The following AGAP1 variants were observed in gnomAD, a reference collection of about 807,000 sequenced individuals.
AGAP1 encodes arf-GAP with GTPase, ANK repeat and PH domain-containing protein 1.
Under a neutral mutation model 105.3 loss-of-function variants are expected in AGAP1, and 29 were observed. The ratio of observed to expected loss-of-function variants is 0.28; its 90% CI spans 0.21 to 0.38. The LOEUF (loss-of-function observed/expected upper bound fraction) is 0.38, where lower values mean the gene tolerates loss of function less well. Among genes scored for constraint, AGAP1 ranks in the 10% least tolerant of loss-of-function variants. The pLI is 1.00. For synonymous variants in AGAP1, 509 were observed against 485.9 expected, an observed-to-expected ratio of 1.05 and a Z score of -0.63; for missense variants, 998 against 1,165.1, an observed-to-expected ratio of 0.86 and a Z score of 2.09.
At chr2:236,094,152 A>C (rs2059130878) in intron 16 of AGAP1, among the ~76,000 whole-genome samples, 1 of 152,242 alleles carries the variant, frequency 6.6e-6, no homozygotes, top group Middle Eastern at 3.4e-3. Flanking sequence ...TCTTTTGACA[A>C]GACTGATCAA....
At chr2:235,913,166 A>G (rs1172567360) in intron 11 of AGAP1, among the ~76,000 whole-genome samples, 1 of 152,150 alleles carries the variant, frequency 6.6e-6, no homozygotes, top group Non-Finnish European at 1.5e-5. Flanking sequence ...CTATTTAGAA[A>G]ACCTTTCATA....
At position 235,578,784 on chromosome 2, in the gene AGAP1, CAAA is replaced by C. The variant is rs1216227916; in HGVS notation, c.163+83949_163+83951del. Among the ~76,000 whole-genome samples the C allele has an allele frequency of 8.5e-6, 1 of 117,806 alleles. No homozygotes were observed. 77.3% of individuals were successfully genotyped at this position (117,806 alleles called of 152,430 possible). A position where few individuals can be genotyped will look rare whatever the true frequency, so the allele number is the denominator to read the frequency against. ...TGGGCAATACAGCGAGACTCAGTCT[CAAA>C]AAAAAAAAAAAAATTTTTTTTTTAC... On this transcript the variant is annotated intron_variant, in intron 1 of 17. Coordinates refer to ENST00000304032, the MANE Select transcript of AGAP1 (RefSeq NM_001037131.3). The surrounding 1 kb of genome is among the most constrained non-coding windows in gnomAD (Gnocchi z 4.9).
chr2:235,820,389 A>G (rs951531739), intron 9 of AGAP1, among the ~76,000 whole-genome samples: 2 of 152,248 alleles, frequency 1.3e-5, no homozygotes, highest in African/African-American at 4.8e-5. Context: ...TGCAAAGAAG[A>G]AAGCTTTTGC....
chr2:236,072,026 C>CT (rs981790233), intron 16 of AGAP1, among the ~76,000 whole-genome samples: 3 of 151,804 alleles, frequency 2.0e-5, no homozygotes, highest in Admixed American at 1.3e-4. Context: ...GAGAACTAAA[C>CT]TTTTTTTAAA....
rs2058698104 is a variant in AGAP1, at chr2:236,078,339, C to T, written c.2114+29058C>T. On this transcript the variant is annotated intron_variant, in intron 16 of 17. Coordinates refer to ENST00000304032, the MANE Select transcript of AGAP1 (RefSeq NM_001037131.3). This position sits in a 1 kb window ranked among gnomAD's most constrained non-coding sequence, Gnocchi z 5.3. The stretch of plus-strand genomic sequence containing the variant: ...TGATGGGATGAGGCCCACCTGCTTT[C>T]TCAAGGATAATTGCCTTTGTTTGGA... 6.6e-6 allele frequency among the ~76,000 whole-genome samples: 1 copy of T among 152,142 alleles called. No homozygotes were observed. Among genetic ancestry groups the T allele is most frequent in the African/African-American group, 2.4e-5 (1 of 41,430 alleles).
intron 6 of AGAP1, among the ~76,000 whole-genome samples, chr2:235,794,043 T>C (rs1957125412): frequency 6.6e-6 from 1 of 152,142 alleles, no homozygotes; most frequent in Non-Finnish European, 1.5e-5. Flanking sequence ...GGAGGGCCTA[T>C]TTCTAGACCC....
rs1168675181 is a variant in AGAP1, at chr2:235,612,831, C to CA, written c.164-96347dup. Among the ~76,000 whole-genome samples the CA allele has an allele frequency of 2.6e-5, 4 of 152,094 alleles. No individual in the cohort carries two copies. Among genetic ancestry groups the CA allele is most frequent in the African/African-American group, 9.7e-5 (4 of 41,438 alleles). ...TGTGATCTTGTGGAGGGAATGACCC[C>CA]ACGTCTCTGGATTCTGGCTTCTGCT... On this transcript the variant is annotated intron_variant, in intron 1 of 17. Coordinates refer to ENST00000304032, the MANE Select transcript of AGAP1 (RefSeq NM_001037131.3). The surrounding 1 kb of genome is among the most constrained non-coding windows in gnomAD (Gnocchi z 4.3).
At chr2:236,029,957 T>C (rs2057176252) in intron 13 of AGAP1, among the ~76,000 whole-genome samples, 1 of 152,150 alleles carries the variant, frequency 6.6e-6, no homozygotes, top group South Asian at 2.1e-4. Flanking sequence ...CAGACCAGTC[T>C]TGAACTCCTG....
rs1221954307 is a variant in AGAP1 at position 235,989,390 on chromosome 2, A to G, written c.1645+20767A>G. Among the ~76,000 whole-genome samples, 1 of 152,196 alleles carries G rather than the reference A, an allele frequency of 6.6e-6. No individual in the cohort carries two copies. The highest frequency in any genetic ancestry group is 1.5e-5 in the Non-Finnish European group (1 of 68,036). ...CCCAACTGGAACCATGGAGGGAGGA[A>G]GAACAGACCAGGTGAAAACATCAGG... On this transcript the variant is annotated intron_variant, in intron 13 of 17. Transcript: ENST00000304032. The surrounding 1 kb of genome is among the most constrained non-coding windows in gnomAD (Gnocchi z 4.4).
chr2:235,883,251 C>T lies in AGAP1; in HGVS notation c.1051-94C>T. ...GTATCACAGAGTGAAGTTCTGCACACACACAGAACTTGAATGTATATGTTG... is the reference window on the plus strand; with the variant it reads ...GTATCACAGAGTGAAGTTCTGCACATACACAGAACTTGAATGTATATGTTG... On this transcript the variant is annotated intron_variant, in intron 9 of 17. Coordinates refer to ENST00000304032, the MANE Select transcript of AGAP1 (RefSeq NM_001037131.3). This position sits in a 1 kb window ranked among gnomAD's most constrained non-coding sequence, Gnocchi z 4.5. 2.9e-6 allele frequency: 3 copies of T among 1,017,356 alleles called. No homozygotes were observed. The highest frequency in any genetic ancestry group is 1.6e-5 in the African/African-American group (1 of 62,148). 63.0% of individuals were successfully genotyped at this position (1,017,356 alleles called of 1,614,324 possible). A position where few individuals can be genotyped will look rare whatever the true frequency, so the allele number is the denominator to read the frequency against.
intron 16 of AGAP1, 197 bp downstream of exon 16, chr2:236,049,478 TTTTATG>T: frequency 1.9e-6 from 1 of 525,328 alleles, no homozygotes; most frequent in Non-Finnish European, 3.4e-6. Flanking sequence ...CTCCTTAATT[TTTTATG>T]TTTGTTTTTA....
At position 236,056,824 on chromosome 2, in the gene AGAP1, G is replaced by C. The variant is rs1178686740; in HGVS notation, c.2114+7543G>C. ...CATGGGAGCGCAGGTCAGACTGCAG[G>C]CACCAAGATCTGACTCCAGATGCCG... On this transcript the variant is annotated intron_variant, in intron 16 of 17. Coordinates refer to ENST00000304032, the MANE Select transcript of AGAP1 (RefSeq NM_001037131.3). The surrounding 1 kb of genome is among the most constrained non-coding windows in gnomAD (Gnocchi z 4.6). 6.6e-6 allele frequency among the ~76,000 whole-genome samples: 1 copy of C among 152,142 alleles called. No homozygotes were observed. Among genetic ancestry groups the C allele is most frequent in the Non-Finnish European group, 1.5e-5 (1 of 68,028 alleles).
intron 6 of AGAP1, among the ~76,000 whole-genome samples, chr2:235,766,225 A>G (rs1244521302): frequency 6.6e-6 from 1 of 152,244 alleles, no homozygotes; most frequent in Non-Finnish European, 1.5e-5. Flanking sequence ...TAACACATCG[A>G]TTATTTTTAT....
At chr2:235,770,224 T>C (rs1051355379) in intron 6 of AGAP1, among the ~76,000 whole-genome samples, 14 of 151,044 alleles carry the variant, frequency 9.3e-5, no homozygotes, top group Non-Finnish European at 1.8e-4. Flanking sequence ...GCTCCCCGGG[T>C]TCATGCCATG....
At chr2:235,773,365 T>C (rs919489816) in intron 6 of AGAP1, among the ~76,000 whole-genome samples, 1 of 152,080 alleles carries the variant, frequency 6.6e-6, no homozygotes, top group Non-Finnish European at 1.5e-5. Flanking sequence ...GTCTGATTGG[T>C]TGTGGAAAGC....
intron 1 of AGAP1, among the ~76,000 whole-genome samples, chr2:235,607,687 T>C (rs527874139): frequency 6.6e-6 from 1 of 152,334 alleles, no homozygotes; most frequent in Non-Finnish European, 1.5e-5. Flanking sequence ...CCAAGGTCTC[T>C]GGATTCCACT....
At chr2:236,047,620 T>TTTTTTTTTTTTA (rs2057761857) in intron 15 of AGAP1, among the ~76,000 whole-genome samples, 1 of 113,636 alleles carries the variant, frequency 8.8e-6, no homozygotes. Flanking sequence ...TTTTTTTTTT[T>TTTTTTTTTTTTA]GAGGAGTCTC....
At chr2:236,111,823 G>A (rs564830468) in intron 16 of AGAP1, among the ~76,000 whole-genome samples, 4 of 151,188 alleles carry the variant, frequency 2.6e-5, no homozygotes, top group East Asian at 1.9e-4. Flanking sequence ...GGTCCATCCC[G>A]GTATCAGGCA....
At position 236,046,063 on chromosome 2, in the gene AGAP1, G is replaced by A. The variant is rs189764488; in HGVS notation, c.1892-2996G>A. 23 of 468,440 alleles carry A rather than the reference G, an allele frequency of 4.9e-5. No homozygotes were observed. The highest frequency in any genetic ancestry group is 4.5e-4 in the Admixed American group (19 of 42,508). 29.0% of individuals were successfully genotyped at this position (468,440 alleles called of 1,614,324 possible). ...GGGGGTGCACCACGGTCTGAACGAGGGGCCAGCATGAGTGGCTTCTGTATC... is the reference window on the plus strand; with the variant it reads ...GGGGGTGCACCACGGTCTGAACGAGAGGCCAGCATGAGTGGCTTCTGTATC... On this transcript the variant is annotated intron_variant, in intron 15 of 17. Transcript: ENST00000304032. The surrounding 1 kb of genome is among the most constrained non-coding windows in gnomAD (Gnocchi z 5.2).
Sources: gnomAD v4.1 joint callset for allele counts (sites outside exome capture counted in the v4.1 genomes callset) on GRCh38, gnomAD v4.1.1 for gene constraint, Gnocchi (gnomAD v3.1) non-coding constraint, MANE v1.5 for transcripts, NCBI Gene and HGNC (gene_info 2026-07-23, HGNC 2026-07-21) for gene names.